Variants in NKAIN2 observed in about 807,000 individuals in gnomAD.
NKAIN2 encodes sodium/potassium transporting ATPase interacting 2, also known as sodium/potassium-transporting ATPase subunit beta-1-interacting protein 2.
NKAIN2 carries 14 observed loss-of-function variants against 32.6 expected under a neutral mutation model. The observed-to-expected ratio is 0.43, with a 90% CI of 0.28 to 0.67. The LOEUF is 0.67. NKAIN2 is among the 30% of genes least tolerant of loss of function. NKAIN2 has a pLI of 0.17. For missense variants in NKAIN2, 198 were observed against 258.3 expected, an observed-to-expected ratio of 0.77 and a Z score of 1.60; for synonymous variants, 80 against 87.2, an observed-to-expected ratio of 0.92 and a Z score of 0.46.
chr6:124,778,901 G>A (rs370480994), intron 4 of NKAIN2, among the ~76,000 whole-genome samples: 28 of 152,158 alleles, frequency 1.8e-4, no homozygotes, highest in South Asian at 8.3e-4. Context: ...GTCAAAAACC[G>A]ATGAACATTT....
chr6:123,833,737 T>C lies in NKAIN2; in HGVS notation c.54+29483T>C, dbSNP rs1774488221. 5.3e-5 allele frequency among the ~76,000 whole-genome samples: 7 copies of C among 132,164 alleles called. No homozygotes were observed. In the South Asian group the frequency reaches 1.8e-3, roughly 35 times the overall value. 86.7% of individuals were successfully genotyped at this position (132,164 alleles called of 152,430 possible). A position where few individuals can be genotyped will look rare whatever the true frequency, so the allele number is the denominator to read the frequency against. Reference sequence around the variant, plus strand: ...TGTGTGTGTGTGTGTTTCCTGTGGATTTTTTTTTTTTTTTGAGTCTCGCTT... The same window carrying C: ...TGTGTGTGTGTGTGTTTCCTGTGGACTTTTTTTTTTTTTTGAGTCTCGCTT... On this transcript the variant is annotated intron_variant, in intron 1 of 6. Coordinates refer to ENST00000368417, the MANE Select transcript of NKAIN2 (RefSeq NM_001040214.3).
At chr6:124,652,758 C>T (rs1201692604) in intron 3 of NKAIN2, among the ~76,000 whole-genome samples, 1 of 152,144 alleles carries the variant, frequency 6.6e-6, no homozygotes, top group African/African-American at 2.4e-5. Context: ...AGGCCAGTCT[C>T]ACCCTTTTAT....
intron 4 of NKAIN2, among the ~76,000 whole-genome samples, chr6:124,670,658 T>TGTGTGTGTGTGTGC (rs1562316088): frequency 6.6e-6 from 1 of 151,512 alleles, no homozygotes; most frequent in Non-Finnish European, 1.5e-5. Flanking sequence ...TGTGTGTGTG[T>TGTGTGTGTGTGTGC]GTGTGTGTGT....
At chr6:123,874,080 A>T (rs1463610349) in intron 1 of NKAIN2, among the ~76,000 whole-genome samples, 1 of 152,126 alleles carries the variant, frequency 6.6e-6, no homozygotes, top group Non-Finnish European at 1.5e-5. Context: ...TGCCCATTTC[A>T]TTGTCAGAGA....
At chr6:124,379,156 AGGGGAGGGG>A (rs1800133503) in intron 3 of NKAIN2, among the ~76,000 whole-genome samples, 1 of 34,202 alleles carries the variant, frequency 2.9e-5, no homozygotes, top group Admixed American at 3.6e-4. Flanking sequence ...GGAGGGAGGG[AGGGGAGGGG>A]AGGGAGGGAG....
rs988205484 is a variant in NKAIN2 at position 124,683,669 on chromosome 6, C to A, written c.474+25283C>A. On this transcript the variant is annotated intron_variant, in intron 4 of 6. Transcript: ENST00000368417. ...CTAGTGTGCAAGCACCTTGTTTGAT[C>A]CCCCCCACCCTGCTTTAGCACATGA... Among the ~76,000 whole-genome samples, 3 of 151,434 alleles carry A rather than the reference C, an allele frequency of 2.0e-5. No individual in the cohort carries two copies. The East Asian group carries it at 5.8e-4, about 29-fold the overall frequency.
chr6:124,609,589 G>C (rs889009808), intron 3 of NKAIN2, among the ~76,000 whole-genome samples: 1 of 151,964 alleles, frequency 6.6e-6, no homozygotes, highest in Non-Finnish European at 1.5e-5. Context: ...TGATCGATGT[G>C]TCTCCCACTC....
At chr6:124,357,397 A>AGTGCCAGAAGGAAGC (rs1799036474) in intron 3 of NKAIN2, among the ~76,000 whole-genome samples, 1 of 152,178 alleles carries the variant, frequency 6.6e-6, no homozygotes, top group Admixed American at 6.5e-5. Context: ...CAGGTAATAC[A>AGTGCCAGAAGGAAGC]GTGCCAGAAG....
rs1039821375 is a variant in NKAIN2, at chr6:124,293,318, CT to C, written c.192+10184del. On this transcript the variant is annotated intron_variant, in intron 2 of 6. Coordinates refer to ENST00000368417, the MANE Select transcript of NKAIN2 (RefSeq NM_001040214.3). ...CCTTATTTGTTTGTAATATGTTATTCTTTTTTTTGATTGCTATATTCAACTT... is the reference window on the plus strand; with the variant it reads ...CCTTATTTGTTTGTAATATGTTATTCTTTTTTTGATTGCTATATTCAACTT... Among the ~76,000 whole-genome samples, 87 of 151,618 alleles carry C rather than the reference CT, an allele frequency of 5.7e-4. 1 individual carries two copies. Among genetic ancestry groups the C allele is most frequent in the African/African-American group, 1.6e-3 (66 of 41,480 alleles).
rs546437670 is a variant in NKAIN2, at chr6:124,603,569, A to T, written c.274-54617A>T. On this transcript the variant is annotated intron_variant, in intron 3 of 6. Transcript: ENST00000368417. Reference sequence around the variant, plus strand: ...GTCAGTTCAAAATGATTAAAGTTACAAAATAGTAGAACATTTGATTAACTA... The same window carrying T: ...GTCAGTTCAAAATGATTAAAGTTACTAAATAGTAGAACATTTGATTAACTA... Among the ~76,000 whole-genome samples the T allele has an allele frequency of 3.0e-4, 46 of 152,098 alleles. No individual in the cohort carries two copies. The South Asian group carries it at 5.0e-3, about 16-fold the overall frequency.
chr6:123,823,016 G>A (rs1284934128), intron 1 of NKAIN2, among the ~76,000 whole-genome samples: 1 of 152,096 alleles, frequency 6.6e-6, no homozygotes, highest in East Asian at 1.9e-4. Flanking sequence ...TATGTTCAAA[G>A]CAGCATTTAA....
At chr6:123,960,190 C>A (rs1433469318) in intron 1 of NKAIN2, among the ~76,000 whole-genome samples, 2 of 152,122 alleles carry the variant, frequency 1.3e-5, no homozygotes, top group African/African-American at 4.8e-5. Context: ...CCAGCCAACA[C>A]TGTGCAGCAT....
At chr6:124,636,569 AAAG>A (rs1385774836) in intron 3 of NKAIN2, among the ~76,000 whole-genome samples, 2 of 152,110 alleles carry the variant, frequency 1.3e-5, no homozygotes, top group Admixed American at 1.3e-4. Context: ...TAGAAATGAA[AAAG>A]AAGACATTAC....
chr6:124,135,973 TA>T (rs1786761991), intron 1 of NKAIN2, among the ~76,000 whole-genome samples: 1 of 149,668 alleles, frequency 6.7e-6, no homozygotes, highest in Non-Finnish European at 1.5e-5. Context: ...CTCAAGGAAA[TA>T]GAGAAACAAG....
intron 3 of NKAIN2, among the ~76,000 whole-genome samples, chr6:124,377,543 G>A (rs1447122448): frequency 6.6e-6 from 1 of 152,112 alleles, no homozygotes; most frequent in African/African-American, 2.4e-5. Flanking sequence ...ATGAGTCAGA[G>A]TTAGCCACAG....
chr6:124,380,715 G>A (rs1772598152), intron 3 of NKAIN2, among the ~76,000 whole-genome samples: 1 of 152,186 alleles, frequency 6.6e-6, no homozygotes, highest in South Asian at 2.1e-4. Flanking sequence ...ATTAGCAGAT[G>A]TGACTTTTTG....
chr6:123,845,536 G>A (rs1046255293), intron 1 of NKAIN2, among the ~76,000 whole-genome samples: 6 of 152,100 alleles, frequency 3.9e-5, no homozygotes, highest in Non-Finnish European at 5.9e-5. Flanking sequence ...TTATACAGTT[G>A]ACTCATGAAC....
At chr6:124,195,657 A>G (rs1244775099) in intron 1 of NKAIN2, among the ~76,000 whole-genome samples, 1 of 152,058 alleles carries the variant, frequency 6.6e-6, no homozygotes, top group Non-Finnish European at 1.5e-5. Context: ...CTCATTTTTT[A>G]TTTTTAATTT....
At chr6:124,209,731 T>C (rs1372575380) in intron 1 of NKAIN2, among the ~76,000 whole-genome samples, 1 of 151,926 alleles carries the variant, frequency 6.6e-6, no homozygotes, top group Non-Finnish European at 1.5e-5. Context: ...TTTTTTCATA[T>C]ACCTGTTGGA....
Sources: gnomAD v4.1 joint callset for allele counts (sites outside exome capture counted in the v4.1 genomes callset) on GRCh38, gnomAD v4.1.1 for gene constraint, MANE v1.5 for transcripts, NCBI Gene and HGNC (gene_info 2026-07-23, HGNC 2026-07-21) for gene names.